Variants in PDE4D observed in about 807,000 individuals in gnomAD.
PDE4D encodes phosphodiesterase 4D.
PDE4D carries 24 observed loss-of-function variants against 87.4 expected under a neutral mutation model. The ratio of observed to expected loss-of-function variants is 0.27; its 90% CI spans 0.20 to 0.39. The LOEUF (loss-of-function observed/expected upper bound fraction) is 0.39, where lower values mean the gene tolerates loss of function less well. Among genes scored for constraint, PDE4D ranks in the 10% least tolerant of loss-of-function variants. PDE4D has a pLI of 1.00. For synonymous variants in PDE4D, 384 were observed against 383.2 expected, an observed-to-expected ratio of 1.00 and a Z score of -0.02; for missense variants, 714 against 1,041.0, an observed-to-expected ratio of 0.69 and a Z score of 4.32.
At chr5:59,553,423 T>C (rs1818428716) in intron 1 of PDE4D, among the ~76,000 whole-genome samples, 1 of 152,188 alleles carries the variant, frequency 6.6e-6, no homozygotes, top group Non-Finnish European at 1.5e-5. Context: ...TTTTCCCTAA[T>C]CACCCGCAAG....
chr5:59,512,922 C>G (rs1810514799), intron 1 of PDE4D, among the ~76,000 whole-genome samples: 1 of 152,060 alleles, frequency 6.6e-6, no homozygotes. Context: ...AAAAATATGT[C>G]AAGGTATAAG....
intron 5 of PDE4D, among the ~76,000 whole-genome samples, chr5:59,066,882 T>C (rs1471732677): frequency 6.6e-6 from 1 of 152,076 alleles, no homozygotes; most frequent in Admixed American, 6.6e-5. Flanking sequence ...ACCCAGGAAA[T>C]GAGCCCTCAC....
rs1376904468 is a variant in PDE4D at position 59,502,964 on chromosome 5, C to A, written c.456-286996G>T. 2.1e-5 allele frequency among the ~76,000 whole-genome samples: 3 copies of A among 142,164 alleles called. No homozygotes were observed. In the East Asian group the frequency reaches 6.3e-4, roughly 30 times the overall value. 93.3% of individuals were successfully genotyped at this position (142,164 alleles called of 152,430 possible). ...ACTTGATTTCTTTTGAAGAGTTGAT[C>A]TCAATTTTTAAAATTGTCATTTAAA... On this transcript the variant is annotated intron_variant, in intron 1 of 14. Transcript: ENST00000340635.
At chr5:59,414,291 A>T (rs1447044910) in intron 1 of PDE4D, among the ~76,000 whole-genome samples, 2 of 152,194 alleles carry the variant, frequency 1.3e-5, no homozygotes, top group Non-Finnish European at 2.9e-5. Context: ...GAAGAAACAG[A>T]TCCACTTGGA....
At chr5:60,329,300 T>G (rs1053941224) in intron 1 of PDE4D, among the ~76,000 whole-genome samples, 10 of 152,102 alleles carry the variant, frequency 6.6e-5, no homozygotes, top group African/African-American at 2.2e-4. Context: ...TCTCATGAGA[T>G]CTGATGGTTT....
chr5:60,504,857 G>T (rs540821587), intron 1 of PDE4D, among the ~76,000 whole-genome samples: 1 of 152,118 alleles, frequency 6.6e-6, no homozygotes, highest in Non-Finnish European at 1.5e-5. Flanking sequence ...TTCATGCCAC[G>T]TGGGGTTTAA....
chr5:59,912,037 G>A (rs938336166), intron 3 of PDE4D, among the ~76,000 whole-genome samples: 16 of 152,214 alleles, frequency 1.1e-4, no homozygotes, highest in African/African-American at 3.9e-4. Context: ...TACAAAGGGA[G>A]GAGGCTTTAA....
chr5:60,166,685 A>G (rs1422692393), intron 2 of PDE4D, among the ~76,000 whole-genome samples: 2 of 152,206 alleles, frequency 1.3e-5, no homozygotes, highest in Non-Finnish European at 2.9e-5. Flanking sequence ...TTTTTGTATT[A>G]TTAGCATTCT....
intron 2 of PDE4D, among the ~76,000 whole-genome samples, chr5:60,164,575 T>C (rs1024096109): frequency 2.6e-5 from 4 of 152,210 alleles, no homozygotes; most frequent in African/African-American, 9.6e-5. Flanking sequence ...GTGTCACTAC[T>C]TATAAGCAAA....
chr5:60,486,268 C>T (rs941723955), intron 1 of PDE4D, among the ~76,000 whole-genome samples: 1 of 152,138 alleles, frequency 6.6e-6, no homozygotes, highest in Admixed American at 6.5e-5. Flanking sequence ...GAATGTATAG[C>T]TAAGAATGAG....
chr5:59,340,539 C>T (rs1344064502), intron 1 of PDE4D, among the ~76,000 whole-genome samples: 1 of 152,046 alleles, frequency 6.6e-6, no homozygotes, highest in African/African-American at 2.4e-5. Flanking sequence ...ACAAACAATC[C>T]AATTATACTC....
intron 5 of PDE4D, among the ~76,000 whole-genome samples, chr5:59,161,310 A>G (rs577349741): frequency 1.3e-5 from 2 of 152,314 alleles, no homozygotes; most frequent in Admixed American, 1.3e-4. Flanking sequence ...ATCAATCAAT[A>G]CATGTAAGAT....
At chr5:60,423,217 C>G (rs1198062380) in intron 1 of PDE4D, among the ~76,000 whole-genome samples, 2 of 152,226 alleles carry the variant, frequency 1.3e-5, no homozygotes, top group Non-Finnish European at 2.9e-5. Flanking sequence ...ACAGAACTCT[C>G]CACCCCAAAT....
chr5:59,667,027 G>A (rs1746187194), intron 1 of PDE4D, among the ~76,000 whole-genome samples: 1 of 152,208 alleles, frequency 6.6e-6, no homozygotes, highest in African/African-American at 2.4e-5. Context: ...TCTGGGTCAA[G>A]TGACAGCTTA....
chr5:59,963,448 T>C lies in PDE4D; in HGVS notation c.272+25040A>G, dbSNP rs562346041. Among the ~76,000 whole-genome samples, 3 of 152,250 alleles carry C rather than the reference T, an allele frequency of 2.0e-5. No homozygotes were observed. In the South Asian group the frequency reaches 6.2e-4, roughly 32 times the overall value. On this transcript the variant is annotated intron_variant, in intron 3 of 16. Transcript: ENST00000502484. ...CCATGCACAAAACACTCACACTCCCTGGTCTGCTCTCCTGGCAGTCTATTG... is the reference window on the plus strand; with the variant it reads ...CCATGCACAAAACACTCACACTCCCCGGTCTGCTCTCCTGGCAGTCTATTG...
chr5:60,278,848 A>G (rs574467359), intron 1 of PDE4D, among the ~76,000 whole-genome samples: 16 of 152,176 alleles, frequency 1.1e-4, no homozygotes, highest in African/African-American at 3.6e-4. Context: ...TTTTATCATG[A>G]CTATTTTAAA....
rs569204613 is a variant in PDE4D at position 59,208,138 on chromosome 5, A to G, written c.647+7639T>C. 2.0e-5 allele frequency among the ~76,000 whole-genome samples: 3 copies of G among 152,264 alleles called. No homozygotes were observed. In the East Asian group the frequency reaches 5.8e-4, roughly 29 times the overall value. ...GCTGAGATTGTGCCACTGCACTCCA[A>G]CCTGCGCAACAGAGTGAGACTCTAT... On this transcript the variant is annotated intron_variant, in intron 2 of 14. Coordinates refer to ENST00000340635, the MANE Select transcript of PDE4D (RefSeq NM_001104631.2).
At chr5:60,340,266 T>C (rs1050948347) in intron 1 of PDE4D, among the ~76,000 whole-genome samples, 8 of 148,556 alleles carry the variant, frequency 5.4e-5, no homozygotes, top group Non-Finnish European at 1.2e-4. Context: ...CAAAAGAACC[T>C]GTACAGCATC....
intron 3 of PDE4D, among the ~76,000 whole-genome samples, chr5:59,927,025 T>C (rs1755369558): frequency 6.6e-6 from 1 of 152,136 alleles, no homozygotes; most frequent in Admixed American, 6.5e-5. Flanking sequence ...CTATGAGGTA[T>C]GGGAGCATGG....
Sources: allele counts gnomAD v4.1 joint callset (sites outside exome capture counted in the v4.1 genomes callset), GRCh38; gene constraint gnomAD v4.1.1; transcripts MANE v1.5; gene names NCBI Gene and HGNC (gene_info 2026-07-23, HGNC 2026-07-21).